The following RMND5B variants were observed in gnomAD, a reference collection of about 807,000 sequenced individuals.
The protein encoded by RMND5B is E3 ubiquitin-protein transferase RMND5B.
A neutral mutation model predicts 50.4 loss-of-function variants in RMND5B; 42 were observed. The ratio of observed to expected loss-of-function variants is 0.83; its 90% CI spans 0.65 to 1.08. The LOEUF is 1.08. RMND5B is among the 50% of genes least tolerant of loss of function. The probability of loss-of-function intolerance (pLI) is 0.00; values close to 1 mark genes in which losing one functional copy is unlikely to be tolerated. For synonymous variants in RMND5B, 220 were observed against 210.0 expected (o/e 1.05, Z -0.41); for missense variants, 463 against 508.5 (o/e 0.91, Z 0.86).
intron 3 of RMND5B, among the ~76,000 whole-genome samples, chr5:178,140,048 A>G (rs192756388): frequency 1.2e-3 from 184 of 152,188 alleles, no homozygotes; most frequent in Non-Finnish European, 1.6e-3. Flanking sequence ...ACGTCTCTCA[A>G]TTTGGAGTTG....
At chr5:178,139,149 A>G (rs565757987) in intron 3 of RMND5B, among the ~76,000 whole-genome samples, 2 of 152,290 alleles carry the variant, frequency 1.3e-5, no homozygotes, top group Admixed American at 1.3e-4. Context: ...AACAAAATAA[A>G]TAAATCAATC....
At chr5:178,132,162 T>C (rs12655707) in intron 2 of RMND5B, among the ~76,000 whole-genome samples, 117,825 of 151,906 alleles carry the variant, frequency 0.78, 45,807 homozygotes, top group Middle Eastern at 0.84. Flanking sequence ...AAAATTAGGC[T>C]GGGCGCAGTG....
intron 7 of RMND5B, chr5:178,145,838 G>C (rs1253458160): frequency 1.0e-5 from 4 of 384,356 alleles, no homozygotes; most frequent in Admixed American, 7.7e-5. Flanking sequence ...GATGCAGTGG[G>C]GGAGGAAAGA....
chr5:178,148,133 A>G lies in RMND5B; in HGVS notation c.*101A>G. The G allele has an allele frequency of 8.2e-7, 1 of 1,212,340 alleles. No homozygotes were observed. The highest frequency in any genetic ancestry group is 1.2e-6 in the Non-Finnish European group (1 of 824,530). 75.1% of individuals were successfully genotyped at this position (1,212,340 alleles called of 1,614,324 possible). ...TTCAGTGGACTGTGGTTGGTTTCAG[A>G]GCGCCTGGCTGAGGAGTTCCACTGA... On this transcript the variant is annotated 3_prime_UTR_variant, in exon 11 of 11. Coordinates refer to ENST00000313386, the MANE Select transcript of RMND5B (RefSeq NM_022762.5).
intron 2 of RMND5B, among the ~76,000 whole-genome samples, chr5:178,134,082 G>A (rs1758482942): frequency 6.6e-6 from 1 of 152,216 alleles, no homozygotes; most frequent in African/African-American, 2.4e-5. Flanking sequence ...GGGGGAGAAA[G>A]GACAAGACTA....
chr5:178,133,011 C>T (rs1026692421), intron 2 of RMND5B, among the ~76,000 whole-genome samples: 2 of 151,582 alleles, frequency 1.3e-5, no homozygotes, highest in African/African-American at 2.4e-5. Context: ...ATTACAGGCA[C>T]GCACCACCAC....
intron 2 of RMND5B, chr5:178,136,192 A>C (rs1392354232): frequency 6.6e-6 from 1 of 152,116 alleles, no homozygotes; most frequent in Non-Finnish European, 1.5e-5. Context: ...TCATTTTCTC[A>C]TCTGCAAAGT....
At chr5:178,132,789 CAAAAAA>C (rs58710080) in intron 2 of RMND5B, among the ~76,000 whole-genome samples, 5 of 38,902 alleles carry the variant, frequency 1.3e-4, no homozygotes, top group Non-Finnish European at 1.3e-4. Context: ...CCCTGCCTCA[CAAAAAA>C]AAAAAAAAAA....
intron 4 of RMND5B, 35 bp from the exon 5 acceptor site, chr5:178,142,817 C>T (rs201028904): frequency 1.3e-4 from 205 of 1,614,090 alleles, no homozygotes; most frequent in Admixed American, 3.5e-4. Flanking sequence ...CAAGAGTGCC[C>T]GCATCACCAG....
In RMND5B at chr5:178,142,611, CCTCT is replaced by C. The variant is rs765123922; in HGVS notation, c.173_176del (p.Ser58TrpfsTer2). The C allele has an allele frequency of 6.2e-7, 1 of 1,613,694 alleles. No individual in the cohort carries two copies. The highest frequency in any genetic ancestry group is 8.5e-7 in the Non-Finnish European group (1 of 1,179,758). ...TCCAGGGGACCCCTCTCTCAGCCAC[CCTCT>C]CTCTGGTGATGTCACAGTGCTGCCG... On this transcript the variant is annotated frameshift_variant, in exon 4 of 11. Coordinates refer to ENST00000313386, the MANE Select transcript of RMND5B (RefSeq NM_022762.5). LOFTEE classifies it high-confidence loss of function.
At position 178,148,022 on chromosome 5, in the gene RMND5B, T is replaced by A. The variant is rs1302813476; in HGVS notation, c.1172T>A (p.Ile391Asn). The change falls in exon 11 of 11, where the codon ATC becomes AAC. Residue 391 changes from isoleucine (I) to asparagine (N), a missense_variant. Coordinates refer to ENST00000313386, the MANE Select transcript of RMND5B (RefSeq NM_022762.5). The part of the protein sequence containing the change: ...MEQNPADGKR[I>N]IF Reference sequence around the variant, plus strand: ...CAGAACCCGGCAGATGGGAAACGCATCATATTCTGATTCCTACCTGGAAGG... The same window carrying A: ...CAGAACCCGGCAGATGGGAAACGCAACATATTCTGATTCCTACCTGGAAGG... 3 of 1,613,780 alleles carry A rather than the reference T, an allele frequency of 1.9e-6. No individual in the cohort carries two copies. The highest frequency in any genetic ancestry group is 1.3e-5 in the African/African-American group (1 of 74,822).
rs765190425 is a variant in RMND5B at position 178,138,085 on chromosome 5, C to A, written c.-12-23C>A. The stretch of plus-strand genomic sequence containing the variant: ...CATGCCACCGTGGCCCAGATGGGGC[C>A]TGACCCAGCTGACCCTCCCCAGGCT... On this transcript the variant is annotated intron_variant, in intron 2 of 10. Transcript: ENST00000313386. This position sits in a 1 kb window ranked among gnomAD's most constrained non-coding sequence, Gnocchi z 5.1. 6.4e-7 allele frequency: 1 copy of A among 1,557,912 alleles called. No homozygotes were observed. Among genetic ancestry groups the A allele is most frequent in the Non-Finnish European group, 8.7e-7 (1 of 1,151,452 alleles).
intron 5 of RMND5B, among the ~76,000 whole-genome samples, chr5:178,143,401 G>A (rs1439449124): frequency 6.8e-6 from 1 of 146,006 alleles, no homozygotes; most frequent in Non-Finnish European, 1.5e-5. Context: ...TACGGTTGTG[G>A]GGTGGGGTCT....
rs563885344 is a variant in RMND5B at position 178,149,743 on chromosome 5, C to A, written c.*1711C>A. 1 of 1,614,104 alleles carries A rather than the reference C, an allele frequency of 6.2e-7. No individual in the cohort carries two copies. The highest frequency in any genetic ancestry group is 1.1e-5 in the South Asian group (1 of 91,076). On this transcript the variant is annotated 3_prime_UTR_variant, in exon 11 of 11. Transcript: ENST00000313386. ...GGGGTAGGGGCAGGGACTGCACCTC[C>A]TCCAGGCACTCATCGTAAGCCTCCT...
At chr5:178,141,636 C>A (rs926580037) in intron 3 of RMND5B, 1 of 152,092 alleles carries the variant, frequency 6.6e-6, no homozygotes, top group African/African-American at 2.4e-5. Flanking sequence ...AATATGGTAA[C>A]CCTGTCTACC....
At position 178,148,150 on chromosome 5, in the gene RMND5B, T is replaced by A; in HGVS notation, c.*118T>A. The A allele has an allele frequency of 1.0e-6, 1 of 993,020 alleles. No individual in the cohort carries two copies. Among genetic ancestry groups the A allele is most frequent in the South Asian group, 1.4e-5 (1 of 72,486 alleles). 61.5% of individuals were successfully genotyped at this position (993,020 alleles called of 1,614,324 possible). A position where few individuals can be genotyped will look rare whatever the true frequency, so the allele number is the denominator to read the frequency against. On this transcript the variant is annotated 3_prime_UTR_variant, in exon 11 of 11. Coordinates refer to ENST00000313386, the MANE Select transcript of RMND5B (RefSeq NM_022762.5). ...GGTTTCAGAGCGCCTGGCTGAGGAG[T>A]TCCACTGAGGGGAGCACTGGAGCAG...
At chr5:178,132,725 C>A (rs1758382277) in intron 2 of RMND5B, among the ~76,000 whole-genome samples, 1 of 66,386 alleles carries the variant, frequency 1.5e-5, no homozygotes, top group Non-Finnish European at 2.8e-5. Flanking sequence ...CAGATTGAGA[C>A]CCTGTCTCTC....
rs77087550 is a variant in RMND5B, at chr5:178,142,574, T to G, written c.140-9T>G. On this transcript the variant is annotated splice_polypyrimidine_tract_variant and intron_variant, in intron 3 of 10. Coordinates refer to ENST00000313386, the MANE Select transcript of RMND5B (RefSeq NM_022762.5). The stretch of plus-strand genomic sequence containing the variant: ...CCTCCTCTGTGTCCTTATTCCACTT[T>G]CTCTGCAGCCCTCCAGGGGACCCCT... The G allele has an allele frequency of 3.7e-6, 6 of 1,603,940 alleles. No homozygotes were observed. The highest frequency in any genetic ancestry group is 4.3e-6 in the Non-Finnish European group (5 of 1,174,416).
rs1756129917 is a variant in RMND5B at position 178,148,002 on chromosome 5, C to T, written c.1152C>T (p.Asn384=). ...LKCPYCPMEQ[N]PADGKRIIF Reference sequence around the variant, plus strand: ...GTCCCTACTGTCCCATGGAGCAGAACCCGGCAGATGGGAAACGCATCATAT... The same window carrying T: ...GTCCCTACTGTCCCATGGAGCAGAATCCGGCAGATGGGAAACGCATCATAT... Residue 384 remains asparagine (N), a synonymous_variant, in exon 11 of 11, where the codon AAC becomes AAT. Coordinates refer to ENST00000313386, the MANE Select transcript of RMND5B (RefSeq NM_022762.5). 1.9e-6 allele frequency: 3 copies of T among 1,614,068 alleles called. No homozygotes were observed. Among genetic ancestry groups the T allele is most frequent in the African/African-American group, 1.3e-5 (1 of 75,004 alleles).
Sources: gnomAD v4.1 joint callset for allele counts (sites outside exome capture counted in the v4.1 genomes callset) on GRCh38, gnomAD v4.1.1 for gene constraint, Gnocchi (gnomAD v3.1) non-coding constraint, MANE v1.5 for transcripts, NCBI Gene and HGNC (gene_info 2026-07-23, HGNC 2026-07-21) for gene names.